The following NOP14 variants were observed in gnomAD, a reference collection of about 807,000 sequenced individuals.
The protein encoded by NOP14 is nucleolar protein 14.
NOP14 carries 57 observed loss-of-function variants against 101.6 expected under a neutral mutation model. The ratio of observed to expected loss-of-function variants is 0.56; its 90% confidence interval spans 0.45 to 0.70. The LOEUF is 0.70. Among genes scored for constraint, NOP14 ranks in the 30% least tolerant of loss-of-function variants. NOP14 has a pLI of 0.00. For synonymous variants in NOP14, 428 were observed against 424.0 expected (o/e 1.01, Z -0.12); for missense variants, 1,134 against 1,075.5 (o/e 1.05, Z -0.76).
chr4:2,956,678 G>A lies in NOP14; in HGVS notation c.464C>T (p.Thr155Met), dbSNP rs755668906. Reference protein sequence around the residue: ...DSDSDAEDRGTLSAELTAAHF... With the variant: ...DSDSDAEDRGMLSAELTAAHF... ...CAGCACCCCAGCCTCACCAGACAACGTTCCTCGATCCTCAGCATCGCTGTC... is the reference window on the plus strand; with the variant it reads ...CAGCACCCCAGCCTCACCAGACAACATTCCTCGATCCTCAGCATCGCTGTC... Residue 155 changes from threonine to methionine, a missense_variant, in exon 3 of 18, where the codon ACG (threonine) becomes ATG (methionine). Transcript: ENST00000416614. The A allele has an allele frequency of 9.3e-6, 15 of 1,611,544 alleles. No homozygotes were observed. The highest frequency in any genetic ancestry group is 6.7e-5 in the East Asian group (3 of 44,864).
chr4:2,954,147 GA>G (rs796181323), intron 4 of NOP14, among the ~76,000 whole-genome samples: 13 of 152,258 alleles, frequency 8.5e-5, no homozygotes, highest in African/African-American at 2.9e-4. Flanking sequence ...AGGCCACAGT[GA>G]GCTTTGATCG....
chr4:2,943,124 G>A lies in NOP14; in HGVS notation c.1892-773C>T, dbSNP rs562680199. Among the ~76,000 whole-genome samples, 546 of 152,326 alleles carry A rather than the reference G, an allele frequency of 3.6e-3. 5 individuals are homozygous for A. Among genetic ancestry groups the A allele is most frequent in the African/African-American group, 9.5e-3 (395 of 41,580 alleles). On this transcript the variant is annotated intron_variant, in intron 13 of 17. Coordinates refer to ENST00000416614, the MANE Select transcript of NOP14 (RefSeq NM_001291978.2). ...AGGCAGGGAGCATGTGGGCGGCCGC[G>A]CCCCTCTGGCGCCCAGCACCGAGCC...
intron 1 of NOP14, among the ~76,000 whole-genome samples, chr4:2,960,908 TTAA>T (rs1298649129): frequency 2.8e-5 from 2 of 72,404 alleles, no homozygotes; most frequent in East Asian, 2.6e-4. Flanking sequence ...CAATATTATA[TTAA>T]TATTATATCG....
chr4:2,941,446 C>T, intron 15 of NOP14, 136 bp downstream of exon 15: 2 of 773,776 alleles, frequency 2.6e-6, no homozygotes, highest in Non-Finnish European at 4.2e-6. Flanking sequence ...TTTTACTTCC[C>T]TTCATATTTG....
chr4:2,960,961 T>C (rs56171014), intron 1 of NOP14, among the ~76,000 whole-genome samples: 4 of 62,946 alleles, frequency 6.4e-5, no homozygotes, highest in South Asian at 9.3e-4. Context: ...TATATTAATA[T>C]TATATCAATA....
rs1714535340 is a variant in NOP14 at position 2,945,239 on chromosome 4, A to C, written c.1636-10T>G. ...TTTTCAAATAAATGAGCTGGAAAGA[A>C]AGTGTTACCACAGGTTAAAGAAGGT... On this transcript the variant is annotated splice_polypyrimidine_tract_variant and intron_variant, in intron 11 of 17. Coordinates refer to ENST00000416614, the MANE Select transcript of NOP14 (RefSeq NM_001291978.2). 1 of 1,550,360 alleles carries C rather than the reference A, an allele frequency of 6.5e-7. No homozygotes were observed. The highest frequency in any genetic ancestry group is 8.7e-7 in the Non-Finnish European group (1 of 1,143,008).
At chr4:2,952,927 C>T (rs185037846) in intron 5 of NOP14, among the ~76,000 whole-genome samples, 12 of 152,334 alleles carry the variant, frequency 7.9e-5, no homozygotes, top group Admixed American at 4.6e-4. Flanking sequence ...GGTGACAGAG[C>T]GAGACTCCGT....
At chr4:2,946,728 C>T (rs573658960) in intron 10 of NOP14, 181 bp from the exon 11 acceptor site, 7 of 608,092 alleles carry the variant, frequency 1.2e-5, no homozygotes, top group African/African-American at 5.5e-5. Context: ...CCTAAAAACT[C>T]GGCCATAACA....
rs975941791 is a variant in NOP14 at position 2,950,131 on chromosome 4, C to G, written c.1085G>C (p.Gly362Ala). The G allele has an allele frequency of 6.2e-7, 1 of 1,614,086 alleles. No homozygotes were observed. The highest frequency in any genetic ancestry group is 8.5e-7 in the Non-Finnish European group (1 of 1,180,038). Residue 362 changes from glycine (G) to alanine (A), a missense_variant, in exon 8 of 18, where the codon GGT becomes GCT. Physicochemically the swap from Gly to Ala is moderately conservative, Grantham distance 60. Coordinates refer to ENST00000416614, the MANE Select transcript of NOP14 (RefSeq NM_001291978.2). The part of the protein sequence containing the change: ...ASDPESNEEE[G>A]DSSGGEDTEE... ...TGTGTCCTCCCCGCCTGAACTGTCACCTTCTTCCTCGTTGCTCTCAGGGTC... is the reference window on the plus strand; with the variant it reads ...TGTGTCCTCCCCGCCTGAACTGTCAGCTTCTTCCTCGTTGCTCTCAGGGTC...
intron 9 of NOP14, 63 bp downstream of exon 9, chr4:2,948,215 T>C: frequency 6.6e-7 from 1 of 1,515,258 alleles, no homozygotes; most frequent in South Asian, 1.3e-5. Context: ...CACACAATTC[T>C]GGCATTCATA....
chr4:2,944,211 G>T lies in NOP14; in HGVS notation c.1753C>A (p.Leu585Ile). 1 of 1,613,462 alleles carries T rather than the reference G, an allele frequency of 6.2e-7. No homozygotes were observed. Among genetic ancestry groups the T allele is most frequent in the South Asian group, 1.1e-5 (1 of 90,886 alleles). The change falls in exon 13 of 18, where the codon CTC becomes ATC. Residue 585 changes from leucine (L) to isoleucine (I), a missense_variant. Leu to Ile is a conservative substitution (Grantham distance 5, BLOSUM62 2). Transcript: ENST00000416614. ...AACAGGCCCTTCACCACGTCCTGGA[G>T]GGACAGGATGGGGCACTGGAAAGGA... is the stretch of plus-strand genomic sequence containing the variant. Reference protein sequence around the residue: ...QLLTKCPILSLQDVVKGLFVC... With the variant: ...QLLTKCPILSIQDVVKGLFVC...
chr4:2,954,464 T>G lies in NOP14; in HGVS notation c.572A>C (p.Glu191Ala). The G allele has an allele frequency of 6.2e-7, 1 of 1,614,156 alleles. No individual in the cohort carries two copies. The highest frequency in any genetic ancestry group is 8.5e-7 in the Non-Finnish European group (1 of 1,180,004). Residue 191 changes from glutamate (E) to alanine (A), a missense_variant, in exon 4 of 18, where the codon GAG becomes GCG. Transcript: ENST00000416614. The stretch of plus-strand genomic sequence containing the variant: ...CTTGGCAATGAGCTCTTCAATCAGC[T>G]CTTTCCGGGACTTCGGTTTCTCCCG... ...EEREKPKSRK[E>A]LIEELIAKSK... is the part of the protein sequence containing the mutation.
intron 1 of NOP14, among the ~76,000 whole-genome samples, chr4:2,962,199 A>G (rs1244430587): frequency 6.6e-6 from 1 of 152,222 alleles, no homozygotes; most frequent in South Asian, 2.1e-4. Context: ...TATCATCTCT[A>G]CTTTTGAAAT....
chr4:2,951,818 T>C (rs1159500745), intron 6 of NOP14, among the ~76,000 whole-genome samples: 1 of 151,858 alleles, frequency 6.6e-6, no homozygotes. Context: ...TTTTTGAAAA[T>C]TAGCTGGGGC....
In NOP14 at chr4:2,949,997, A is replaced by C. The variant is rs775227487; in HGVS notation, c.1219T>G (p.Leu407Val). Reference protein sequence around the residue: ...KEQRQTPGKGLISGKERAGKA... With the variant: ...KEQRQTPGKGVISGKERAGKA... ...CCAGCTCTTTCCTTGCCGCTTATCA[A>C]CCCTTTCCCAGGAGTCTGCCTCTGC... is the stretch of plus-strand genomic sequence containing the variant. The change falls in exon 8 of 18, where the codon TTG becomes GTG. Residue 407 changes from leucine to valine, a missense_variant. Transcript: ENST00000416614. 38 of 1,614,060 alleles carry C rather than the reference A, an allele frequency of 2.4e-5. No homozygotes were observed. Among genetic ancestry groups the C allele is most frequent in the Non-Finnish European group, 3.2e-5 (38 of 1,180,008 alleles).
chr4:2,944,280 A>C, intron 12 of NOP14, 54 bp from the exon 13 acceptor site: 1 of 1,556,076 alleles, frequency 6.4e-7, no homozygotes, highest in Non-Finnish European at 8.7e-7. Flanking sequence ...ATGCCATGCT[A>C]GGCCGACCAC....
In NOP14 at chr4:2,938,381, G is replaced by A. The variant is rs546984076; in HGVS notation, c.*450C>T. ...ACTAAAAATACAAAATTAGCTGGGCGTGGTGGCACATGTCTGTAATCCCAG... is the reference window on the plus strand; with the variant it reads ...ACTAAAAATACAAAATTAGCTGGGCATGGTGGCACATGTCTGTAATCCCAG... On this transcript the variant is annotated 3_prime_UTR_variant, in exon 18 of 18. Coordinates refer to ENST00000416614, the MANE Select transcript of NOP14 (RefSeq NM_001291978.2). The A allele has an allele frequency of 3.0e-3, 1,227 of 408,054 alleles. 24 individuals are homozygous for A. The highest frequency in any genetic ancestry group is 0.017 in the South Asian group (953 of 55,296). The allele number at this position is 408,054 out of a possible 1,614,324, so 25.3% of individuals were successfully genotyped here. A position where few individuals can be genotyped will look rare whatever the true frequency, so the allele number is the denominator to read the frequency against.
chr4:2,951,379 T>C, intron 6 of NOP14, 134 bp from the exon 7 acceptor site: 1 of 676,534 alleles, frequency 1.5e-6, no homozygotes, highest in Non-Finnish European at 2.5e-6. Flanking sequence ...CCAGCCTGCT[T>C]TCTGCCTGCA....
At chr4:2,954,677 G>C in intron 3 of NOP14, 114 bp from the exon 4 acceptor site, 1 of 1,321,814 alleles carries the variant, frequency 7.6e-7, no homozygotes, top group South Asian at 1.5e-5. Flanking sequence ...GTCCACATTT[G>C]AGAAAAAAAT....
Sources: gnomAD v4.1 joint callset for allele counts (sites outside exome capture counted in the v4.1 genomes callset) on GRCh38, gnomAD v4.1.1 for gene constraint, MANE v1.5 for transcripts, NCBI Gene and HGNC (gene_info 2026-07-23, HGNC 2026-07-21) for gene names.